The following VRK2 variants were observed in gnomAD, a reference collection of about 807,000 sequenced individuals.
VRK2 encodes VRK serine/threonine kinase 2, also known as serine/threonine-protein kinase VRK2.
Under a neutral mutation model 57.6 loss-of-function variants are expected in VRK2, and 60 were observed. The ratio of observed to expected loss-of-function variants is 1.04; its 90% CI spans 0.85 to 1.29. The LOEUF (loss-of-function observed/expected upper bound fraction) is 1.29. Among genes scored for constraint, VRK2 ranks in the 50% most tolerant of loss-of-function variants. The probability of loss-of-function intolerance (pLI) is 0.00; values close to 1 mark genes in which losing one functional copy is unlikely to be tolerated. For missense variants in VRK2, 705 were observed against 588.1 expected, an observed-to-expected ratio of 1.20 and a Z score of -2.06; for synonymous variants, 231 against 199.2, an observed-to-expected ratio of 1.16 and a Z score of -1.35.
At chr2:58,046,690 C>G, upstream of VRK2, 1 of 985,570 alleles carries the variant, frequency 1.0e-6, no homozygotes, top group Non-Finnish European at 1.2e-6. Context: ...TGAGGCTCCG[C>G]GGGCCGCTGC....
intron 1 of VRK2, among the ~76,000 whole-genome samples, chr2:57,961,542 A>G (rs1671758922): frequency 6.6e-6 from 1 of 151,730 alleles, no homozygotes; most frequent in Non-Finnish European, 1.5e-5. Flanking sequence ...GCTACTAACC[A>G]CCATGCTATA....
chr2:58,024,661 T>C (rs778900549), intron 1 of VRK2, among the ~76,000 whole-genome samples: 7 of 152,216 alleles, frequency 4.6e-5, no homozygotes, highest in Non-Finnish European at 7.3e-5. Flanking sequence ...CAGATCCATT[T>C]AGAGCAAATC....
chr2:58,056,441 G>A (rs942740026), intron 2 of VRK2, among the ~76,000 whole-genome samples: 26 of 152,116 alleles, frequency 1.7e-4, no homozygotes, highest in Non-Finnish European at 1.3e-4. Context: ...TCATCCAGAA[G>A]CACTCTTGTC....
intron 2 of VRK2, among the ~76,000 whole-genome samples, chr2:58,071,402 G>T (rs1364206320): frequency 6.6e-6 from 1 of 151,982 alleles, no homozygotes. Context: ...ATTTTCATCT[G>T]TGTTATCTTC....
chr2:58,128,550 T>C (rs560063678), intron 8 of VRK2, among the ~76,000 whole-genome samples: 1 of 152,266 alleles, frequency 6.6e-6, no homozygotes, highest in South Asian at 2.1e-4. Flanking sequence ...CGGGCTGGTC[T>C]TAAACTCTTG....
chr2:58,018,561 CTTT>C (rs922371592), intron 1 of VRK2, among the ~76,000 whole-genome samples: 12 of 152,154 alleles, frequency 7.9e-5, no homozygotes. Flanking sequence ...ATTATACCTT[CTTT>C]AAGTTATAAT....
chr2:57,910,781 C>A (rs1195758893), intron 1 of VRK2, among the ~76,000 whole-genome samples: 1 of 152,106 alleles, frequency 6.6e-6, no homozygotes, highest in Admixed American at 6.5e-5. Flanking sequence ...AAAGCCAATA[C>A]TACAGAAAAG....
At chr2:58,055,610 C>T (rs1384285045) in intron 2 of VRK2, among the ~76,000 whole-genome samples, 4 of 152,162 alleles carry the variant, frequency 2.6e-5, no homozygotes, top group South Asian at 2.1e-4. Flanking sequence ...TGTTCTCCAG[C>T]AGAGCCAGGT....
At chr2:58,088,667 C>A (rs145425275) in intron 6 of VRK2, among the ~76,000 whole-genome samples, 3 of 152,300 alleles carry the variant, frequency 2.0e-5, no homozygotes, top group East Asian at 3.9e-4. Flanking sequence ...GGCTTTGGTT[C>A]TCCAGTCTGA....
chr2:58,127,597 A>T (rs1459876456), intron 8 of VRK2, among the ~76,000 whole-genome samples: 1 of 152,212 alleles, frequency 6.6e-6, no homozygotes, highest in East Asian at 1.9e-4. Context: ...CAAAATACTG[A>T]ATTACATAGG....
chr2:57,915,873 T>C (rs1272802166), intron 1 of VRK2, among the ~76,000 whole-genome samples: 2 of 152,084 alleles, frequency 1.3e-5, no homozygotes, highest in African/African-American at 4.8e-5. Context: ...TAGATTGTCA[T>C]AGGACCACAA....
chr2:57,908,544 T>A (rs1205284856), intron 1 of VRK2, among the ~76,000 whole-genome samples: 1 of 152,130 alleles, frequency 6.6e-6, no homozygotes, highest in Non-Finnish European at 1.5e-5. Context: ...AGCTCCATCA[T>A]TTCTGAATGT....
chr2:57,928,198 T>C (rs1245275226), intron 1 of VRK2, among the ~76,000 whole-genome samples: 1 of 152,166 alleles, frequency 6.6e-6, no homozygotes, highest in Non-Finnish European at 1.5e-5. Flanking sequence ...ACCTTGTAAA[T>C]AGATCTTGTA....
At chr2:57,944,605 G>A (rs1000187307) in intron 1 of VRK2, among the ~76,000 whole-genome samples, 1 of 152,070 alleles carries the variant, frequency 6.6e-6, no homozygotes, top group Non-Finnish European at 1.5e-5. Context: ...GCGTGGTGGC[G>A]GGCGCCTGTA....
chr2:58,123,041 A>G (rs1283182937), intron 7 of VRK2, 60 bp from the exon 8 acceptor site: 2 of 1,540,210 alleles, frequency 1.3e-6, no homozygotes, highest in Non-Finnish European at 1.7e-6. Context: ...AGACTTAATT[A>G]TAAAGGTTAT....
At chr2:58,043,024 C>T (rs1674524127), upstream of VRK2, among the ~76,000 whole-genome samples, 5 of 152,140 alleles carry the variant, frequency 3.3e-5, no homozygotes, top group Admixed American at 3.3e-4. Context: ...AAAAAAAACA[C>T]ATATTCTCAA....
At chr2:57,924,503 C>T (rs1171293766) in intron 1 of VRK2, among the ~76,000 whole-genome samples, 1 of 151,982 alleles carries the variant, frequency 6.6e-6, no homozygotes, top group African/African-American at 2.4e-5. Context: ...AATTTCTTGA[C>T]TCCTTTCTCA....
chr2:57,961,940 G>A (rs1329749873), intron 1 of VRK2, among the ~76,000 whole-genome samples: 2 of 152,092 alleles, frequency 1.3e-5, no homozygotes, highest in Non-Finnish European at 2.9e-5. Context: ...AGCTGGGCAC[G>A]GTGGCAAATG....
At chr2:57,931,434 A>G (rs1192549849) in intron 1 of VRK2, among the ~76,000 whole-genome samples, 1 of 152,138 alleles carries the variant, frequency 6.6e-6, no homozygotes, top group South Asian at 2.1e-4. Flanking sequence ...AGGAATATCT[A>G]TTCAGATCCT....
Sources: allele counts gnomAD v4.1 joint callset (sites outside exome capture counted in the v4.1 genomes callset), GRCh38; gene constraint gnomAD v4.1.1; transcripts MANE v1.5; gene names NCBI Gene and HGNC (gene_info 2026-07-23, HGNC 2026-07-21).